Variants in NBEA observed in about 807,000 individuals in gnomAD.
NBEA encodes neurobeachin.
NBEA carries 44 observed loss-of-function variants against 343.4 expected under a neutral mutation model. That is an observed-to-expected ratio of 0.13 (90% CI 0.10 to 0.16). The LOEUF is 0.16. Among genes scored for constraint, NBEA ranks in the 10% least tolerant of loss-of-function variants. The pLI is 1.00. For missense variants in NBEA, 2,555 were observed against 3,631.3 expected, an observed-to-expected ratio of 0.70 and a Z score of 7.62; for synonymous variants, 1,175 against 1,238.7, an observed-to-expected ratio of 0.95 and a Z score of 1.08.
At position 34,992,220 on chromosome 13, in the gene NBEA, A is replaced by G. The variant is rs10467453; in HGVS notation, c.295-48713A>G. On this transcript the variant is annotated intron_variant, in intron 1 of 58. Coordinates refer to ENST00000379939, the MANE Select transcript of NBEA (RefSeq NM_001385012.1). ...TATATGTGTGTGTGTGTGTGTGTGT[A>G]TATGTGTGTGTGTGTGTGTATATAT... 5.6e-3 allele frequency among the ~76,000 whole-genome samples: 604 copies of G among 107,244 alleles called. 5 individuals carry two copies. Among genetic ancestry groups the G allele is most frequent in the Middle Eastern group, 0.01 (2 of 200 alleles). 70.4% of individuals were successfully genotyped at this position (107,244 alleles called of 152,430 possible).
At chr13:35,593,478 A>C in intron 47 of NBEA, 31 bp downstream of exon 47, 1 of 1,565,734 alleles carries the variant, frequency 6.4e-7, no homozygotes, top group Non-Finnish European at 8.6e-7. Flanking sequence ...ATATTCATTA[A>C]ATTTCAAAAT....
At chr13:35,559,916 G>A (rs2079777734) in intron 44 of NBEA, among the ~76,000 whole-genome samples, 1 of 132,606 alleles carries the variant, frequency 7.5e-6, no homozygotes, top group South Asian at 2.6e-4. Flanking sequence ...GGGCGACAGA[G>A]CGAGACTCCG....
At chr13:35,446,504 C>T (rs1166836602) in intron 39 of NBEA, among the ~76,000 whole-genome samples, 2 of 152,034 alleles carry the variant, frequency 1.3e-5, no homozygotes, top group African/African-American at 4.8e-5. Flanking sequence ...AAATGTTATA[C>T]AGAGATGGAA....
At chr13:35,308,413 T>A (rs2037044233) in intron 35 of NBEA, among the ~76,000 whole-genome samples, 1 of 142,828 alleles carries the variant, frequency 7.0e-6, no homozygotes, top group Non-Finnish European at 1.5e-5. Context: ...GGGATATAAT[T>A]TTCAATCCAA....
intron 34 of NBEA, among the ~76,000 whole-genome samples, chr13:35,281,836 T>C (rs963387714): frequency 4.6e-5 from 7 of 152,080 alleles, no homozygotes; most frequent in African/African-American, 1.7e-4. Flanking sequence ...TTTAGGTAGT[T>C]TGAAACTGTA....
At chr13:35,298,187 A>ATGTGTGTGTG (rs1216541038) in intron 35 of NBEA, among the ~76,000 whole-genome samples, 5 of 115,182 alleles carry the variant, frequency 4.3e-5, no homozygotes, top group African/African-American at 1.7e-4. Context: ...GTGTGTGTGT[A>ATGTGTGTGTG]TGTGTGTGTG....
At chr13:35,409,785 G>A (rs2043478723) in intron 38 of NBEA, among the ~76,000 whole-genome samples, 1 of 151,808 alleles carries the variant, frequency 6.6e-6, no homozygotes, top group Admixed American at 6.6e-5. Flanking sequence ...GTGTAGAGAG[G>A]GCCGCAGCTT....
At chr13:35,087,107 C>T (rs1469798282) in intron 10 of NBEA, among the ~76,000 whole-genome samples, 1 of 151,690 alleles carries the variant, frequency 6.6e-6, no homozygotes, top group African/African-American at 2.4e-5. Flanking sequence ...ATTGTCTCTT[C>T]ACTCTTTTGA....
chr13:35,212,609 T>G (rs2073845029), intron 33 of NBEA, among the ~76,000 whole-genome samples: 1 of 152,136 alleles, frequency 6.6e-6, no homozygotes, highest in Non-Finnish European at 1.5e-5. Context: ...TAATGCAAAA[T>G]GGTTTGCAAA....
rs1170862696 is a variant in NBEA, at chr13:35,220,951, A to T, written c.5648+9772A>T. On this transcript the variant is annotated intron_variant, in intron 33 of 58. Coordinates refer to ENST00000379939, the MANE Select transcript of NBEA (RefSeq NM_001385012.1). ...TTTTGAGTATTTTCTTTTAACCTAT[A>T]GTCTACTTTACTAATTATCTCTTTA... Among the ~76,000 whole-genome samples the T allele has an allele frequency of 2.0e-5, 3 of 152,068 alleles. No homozygotes were observed. In the East Asian group the frequency reaches 5.8e-4, roughly 29 times the overall value.
chr13:35,165,544 T>A (rs1046553484), intron 24 of NBEA, among the ~76,000 whole-genome samples: 5 of 152,168 alleles, frequency 3.3e-5, no homozygotes, highest in African/African-American at 1.2e-4. Flanking sequence ...AGAGTGCAAG[T>A]ATACATACAC....
At chr13:35,064,591 A>C (rs970007424) in intron 8 of NBEA, among the ~76,000 whole-genome samples, 1 of 152,034 alleles carries the variant, frequency 6.6e-6, no homozygotes, top group African/African-American at 2.4e-5. Flanking sequence ...TACAAGGTGA[A>C]TTATGTTCCC....
At chr13:34,958,143 C>T (rs2059556978) in intron 1 of NBEA, among the ~76,000 whole-genome samples, 1 of 151,530 alleles carries the variant, frequency 6.6e-6, no homozygotes, top group South Asian at 2.1e-4. Context: ...ATTCATTTTA[C>T]CTGTTTATAT....
rs181402144 is a variant in NBEA, at chr13:35,210,905, A to G, written c.5522-148A>G. 7 of 726,880 alleles carry G rather than the reference A, an allele frequency of 9.6e-6. No individual in the cohort carries two copies. The East Asian group carries it at 2.0e-4, about 21-fold the overall frequency. 45.0% of individuals were successfully genotyped at this position (726,880 alleles called of 1,614,324 possible). ...GTTATATAAAATTATGTTCATTAGC[A>G]TACTTACTAATGGCCAAATGATTAA... On this transcript the variant is annotated intron_variant, in intron 32 of 58. Coordinates refer to ENST00000379939, the MANE Select transcript of NBEA (RefSeq NM_001385012.1).
At chr13:35,458,520 G>A (rs529568037) in intron 40 of NBEA, among the ~76,000 whole-genome samples, 21 of 152,256 alleles carry the variant, frequency 1.4e-4, no homozygotes, top group African/African-American at 4.3e-4. Flanking sequence ...CAAAACTTAC[G>A]AGCTGTTGAA....
intron 1 of NBEA, among the ~76,000 whole-genome samples, chr13:34,960,271 A>G (rs896696128): frequency 1.3e-5 from 2 of 152,176 alleles, no homozygotes; most frequent in Admixed American, 6.6e-5. Context: ...TAAGATACAA[A>G]GAAAATATTT....
intron 34 of NBEA, among the ~76,000 whole-genome samples, chr13:35,242,035 C>T (rs1326985280): frequency 6.6e-6 from 1 of 151,844 alleles, no homozygotes; most frequent in Admixed American, 6.6e-5. Flanking sequence ...AAACATAGTT[C>T]ATGCAAAGGA....
At chr13:34,992,579 A>C (rs528973333) in intron 1 of NBEA, among the ~76,000 whole-genome samples, 64 of 152,046 alleles carry the variant, frequency 4.2e-4, no homozygotes, top group African/African-American at 1.4e-3. Flanking sequence ...AATAAGAGTT[A>C]AACATTTGAC....
intron 33 of NBEA, among the ~76,000 whole-genome samples, chr13:35,224,112 T>A (rs1410978859): frequency 6.6e-6 from 1 of 152,214 alleles, no homozygotes; most frequent in African/African-American, 2.4e-5. Flanking sequence ...TTTCCTCTTA[T>A]ACGTATCTTT....
Sources: allele counts gnomAD v4.1 joint callset (sites outside exome capture counted in the v4.1 genomes callset), GRCh38; gene constraint gnomAD v4.1.1; transcripts MANE v1.5; gene names NCBI Gene and HGNC (gene_info 2026-07-23, HGNC 2026-07-21).